The following TRIM66 variants were observed in gnomAD, a reference collection of about 807,000 sequenced individuals.
TRIM66 encodes tripartite motif containing 66, also known as tripartite motif-containing protein 66.
TRIM66 carries 99 observed loss-of-function variants against 148.2 expected under a neutral mutation model. The ratio of observed to expected loss-of-function variants is 0.67; its 90% confidence interval spans 0.57 to 0.79. TRIM66 has a LOEUF of 0.79. Ranked by LOEUF, TRIM66 falls within the 30% of genes least tolerant of loss-of-function variation. The probability of loss-of-function intolerance (pLI) is 0.00; values close to 1 mark genes in which losing one functional copy is unlikely to be tolerated. For missense variants in TRIM66, 1,666 were observed against 1,697.9 expected (o/e 0.98, Z 0.33); for synonymous variants, 616 against 635.9 (o/e 0.97, Z 0.47).
chr11:8,662,545 T>C (rs2038331381), intron 6 of TRIM66, among the ~76,000 whole-genome samples: 1 of 152,200 alleles, frequency 6.6e-6, no homozygotes, highest in Non-Finnish European at 1.5e-5. Context: ...TCTCATTAAG[T>C]CTAGCCCTGA....
At position 8,638,724 on chromosome 11, in the gene TRIM66, T is replaced by A; in HGVS notation, c.2240A>T (p.Glu747Val). 6.5e-7 allele frequency: 1 copy of A among 1,549,820 alleles called. No individual in the cohort carries two copies. Among genetic ancestry groups the A allele is most frequent in the Non-Finnish European group, 8.7e-7 (1 of 1,146,318 alleles). The change falls in exon 15 of 25, where the codon GAA (glutamate) becomes GTA (valine). Residue 747 changes from glutamate (E) to valine (V), a missense_variant. Physicochemically the swap from Glu to Val is moderately radical, Grantham distance 121 (BLOSUM62 -2). This residue lies in a region of TRIM66 where 1,431 missense variants were observed against 1,412.4 expected (regional missense o/e 1.01). Coordinates refer to ENST00000646038, the MANE Select transcript of TRIM66 (RefSeq NM_001388022.1). The stretch of plus-strand genomic sequence containing the variant: ...TGGGGGGACACTGAGAGGGGTTTCT[T>A]CCCCAGACGCCTGGGGCAAGGCAGC... Reference protein sequence around the residue: ...TAAALPQASGEETPLSVPPVD... With the variant: ...TAAALPQASGVETPLSVPPVD...
At chr11:8,668,393 G>T (rs1010661013) in intron 6 of TRIM66, among the ~76,000 whole-genome samples, 9 of 151,670 alleles carry the variant, frequency 5.9e-5, no homozygotes, top group African/African-American at 2.2e-4. Context: ...TCCATGGGTT[G>T]ACTGAGTAGT....
intron 15 of TRIM66, among the ~76,000 whole-genome samples, chr11:8,631,189 A>G (rs11825777): frequency 0.069 from 10,538 of 152,248 alleles, 396 homozygotes; most frequent in African/African-American, 0.075. Context: ...CAGGCTGGCT[A>G]GTCTTGATTC....
chr11:8,669,321 C>T (rs537820758), intron 6 of TRIM66, among the ~76,000 whole-genome samples: 102 of 152,312 alleles, frequency 6.7e-4, no homozygotes, highest in African/African-American at 2.4e-3. Context: ...TAATACCTTG[C>T]ATCCTCATTG....
Position 8,614,017 on chromosome 11 carries a change from G to A in TRIM66, c.*3927C>T, listed in dbSNP as rs2033566287. 1 of 152,288 alleles carries A rather than the reference G, an allele frequency of 6.6e-6. No individual in the cohort carries two copies. Among genetic ancestry groups the A allele is most frequent in the African/African-American group, 2.4e-5 (1 of 41,444 alleles). 9.4% of individuals were successfully genotyped at this position (152,288 alleles called of 1,614,324 possible). On this transcript the variant is annotated 3_prime_UTR_variant, in exon 25 of 25. Transcript: ENST00000646038. Reference sequence around the variant, plus strand: ...CAGCAAATATGATGATGCCGAAAATGGAGAATGGCTGATAGTTTCAGCAAA... The same window carrying A: ...CAGCAAATATGATGATGCCGAAAATAGAGAATGGCTGATAGTTTCAGCAAA...
intron 7 of TRIM66, 141 bp from the exon 8 acceptor site, chr11:8,650,028 T>C (rs2133236206): frequency 2.0e-6 from 2 of 980,308 alleles, no homozygotes; most frequent in South Asian, 3.6e-5. Context: ...CAGAGCTGTC[T>C]GGGAGTAACA....
chr11:8,640,248 C>T lies in TRIM66; in HGVS notation c.2127G>A (p.Gln709=), dbSNP rs765333460. The change falls in exon 14 of 25, where the codon CAG becomes CAA. Residue 709 remains glutamine (Q), a synonymous_variant. Coordinates refer to ENST00000646038, the MANE Select transcript of TRIM66 (RefSeq NM_001388022.1). ...TTACCTGCAGGGTCTCCTCCTGGCT[C>T]TGGGACTGGACAGGTGCTGGCTGCC... ...IVRQPAPVQS[Q]SQEETLQATD... 14 of 1,551,498 alleles carry T rather than the reference C, an allele frequency of 9.0e-6. No individual in the cohort carries two copies. In the South Asian group the frequency reaches 1.5e-4, roughly 17 times the overall value.
At chr11:8,661,369 T>A (rs1298015947) in intron 6 of TRIM66, among the ~76,000 whole-genome samples, 1 of 152,200 alleles carries the variant, frequency 6.6e-6, no homozygotes, top group Non-Finnish European at 1.5e-5. Context: ...CACAGTATAA[T>A]GCAAAAAGTA....
rs1291066779 is a variant in TRIM66, at chr11:8,638,821, G to A, written c.2149-6C>T. 10 of 1,549,802 alleles carry A rather than the reference G, an allele frequency of 6.5e-6. No individual in the cohort carries two copies. The highest frequency in any genetic ancestry group is 8.7e-6 in the Non-Finnish European group (10 of 1,146,536). On this transcript the variant is annotated splice_region_variant and splice_polypyrimidine_tract_variant and intron_variant, in intron 14 of 24. Transcript: ENST00000646038. ...GCTGGGGGCTCATCTGTAGCCTGGA[G>A]AAGAAAATAAGAACTTGGGTGGGTT...
chr11:8,649,284 A>G (rs1401201322), intron 8 of TRIM66, among the ~76,000 whole-genome samples: 1 of 152,224 alleles, frequency 6.6e-6, no homozygotes, highest in Non-Finnish European at 1.5e-5. Context: ...GGTTGTAGTG[A>G]GCCGAGATCA....
chr11:8,670,721 AATTAAG>A (rs1325157944), intron 6 of TRIM66, among the ~76,000 whole-genome samples: 6 of 152,248 alleles, frequency 3.9e-5, no homozygotes, highest in African/African-American at 7.2e-5. Flanking sequence ...TGTTAATTAA[AATTAAG>A]ATTAAGGAAA....
chr11:8,647,009 T>C (rs1052795332), intron 10 of TRIM66, among the ~76,000 whole-genome samples: 3 of 150,414 alleles, frequency 2.0e-5, no homozygotes, highest in African/African-American at 7.3e-5. Flanking sequence ...GTTTATATTA[T>C]TGGCATAATA....
intron 3 of TRIM66, among the ~76,000 whole-genome samples, chr11:8,677,747 T>C (rs12273403): frequency 0.035 from 5,273 of 152,312 alleles, 152 homozygotes; most frequent in Admixed American, 0.074. Flanking sequence ...TAAGCTGTTC[T>C]CAAAGACTCT....
chr11:8,682,665 C>A lies in TRIM66; in HGVS notation c.-612G>T, dbSNP rs1178551687. On this transcript the variant is annotated 5_prime_UTR_variant, in exon 1 of 25. Coordinates refer to ENST00000646038, the MANE Select transcript of TRIM66 (RefSeq NM_001388022.1). The stretch of plus-strand genomic sequence containing the variant: ...GATCACCACCCTCAGAAAGAGGAAG[C>A]GACTAGCAGGCGCGCAATCCCGCGA... 1.2e-5 allele frequency: 10 copies of A among 861,388 alleles called. No homozygotes were observed. The highest frequency in any genetic ancestry group is 2.3e-4 in the Middle Eastern group (1 of 4,434). 53.4% of individuals were successfully genotyped at this position (861,388 alleles called of 1,614,324 possible). A position where few individuals can be genotyped will look rare whatever the true frequency, so the allele number is the denominator to read the frequency against.
At chr11:8,680,404 G>A (rs1247137500) in intron 1 of TRIM66, among the ~76,000 whole-genome samples, 1 of 152,184 alleles carries the variant, frequency 6.6e-6, no homozygotes, top group African/African-American at 2.4e-5. Context: ...AGTGAACAAA[G>A]GAAGGTGTTG....
At chr11:8,626,442 T>A (rs1380913120) in intron 15 of TRIM66, among the ~76,000 whole-genome samples, 1 of 152,176 alleles carries the variant, frequency 6.6e-6, no homozygotes, top group African/African-American at 2.4e-5. Flanking sequence ...ACTGTCCTCA[T>A]CTCAGTGAAA....
chr11:8,624,209 A>T, intron 17 of TRIM66, 150 bp downstream of exon 17: 1 of 865,846 alleles, frequency 1.2e-6, no homozygotes, highest in Non-Finnish European at 1.7e-6. Context: ...TCACTAAGAC[A>T]GTTCCGGAGG....
rs1415427768 is a variant in TRIM66 at position 8,648,034 on chromosome 11, C to T, written c.778G>A (p.Val260Met). 1 of 1,551,658 alleles carries T rather than the reference C, an allele frequency of 6.4e-7. No homozygotes were observed. Among genetic ancestry groups the T allele is most frequent in the Non-Finnish European group, 8.7e-7 (1 of 1,147,018 alleles). The change falls in exon 10 of 25, where the codon GTG (valine) becomes ATG (methionine). Residue 260 changes from valine to methionine, a missense_variant. Val to Met is a conservative substitution (Grantham distance 21, BLOSUM62 1). Transcript: ENST00000646038. ...TTCTTATGTGCCACCTGTGTAGTCA[C>T]ACCTTCCAGAAGCATCCTCTGGTTT... is the stretch of plus-strand genomic sequence containing the variant. ...LQNQRMLLEG[V>M]TTQVAHKKSS...
At position 8,624,435 on chromosome 11, in the gene TRIM66, G is replaced by A. The variant is rs1304839508; in HGVS notation, c.2943C>T (p.Asn981=). The A allele has an allele frequency of 1.3e-6, 2 of 1,551,676 alleles. No homozygotes were observed. The highest frequency in any genetic ancestry group is 1.7e-6 in the Non-Finnish European group (2 of 1,147,002). Residue 981 remains asparagine, a synonymous_variant, in exon 17 of 25, where the codon AAC becomes AAT. Coordinates refer to ENST00000646038, the MANE Select transcript of TRIM66 (RefSeq NM_001388022.1). ...AIPSELEEPI[N]LSVKKPPLAP... ...CCAGTGGAGGTTTCTTCACAGAGAG[G>A]TTAATTGGCTCCTCCAGTTCTGAGG... is the stretch of plus-strand genomic sequence containing the variant.
Sources: gnomAD v4.1 joint callset for allele counts (sites outside exome capture counted in the v4.1 genomes callset) on GRCh38, gnomAD v4.1.1 for gene constraint, gnomAD v4.1.1 regional missense constraint, MANE v1.5 for transcripts, NCBI Gene and HGNC (gene_info 2026-07-23, HGNC 2026-07-21) for gene names.